The following ATP8B1 variants were observed in gnomAD, a reference collection of about 807,000 sequenced individuals.
The protein encoded by ATP8B1 is ATPase phospholipid transporting 8B1, also known as phospholipid-transporting ATPase IC.
Under a neutral mutation model 149.9 loss-of-function variants are expected in ATP8B1, and 80 were observed. That is an observed-to-expected ratio of 0.53 (90% CI 0.45 to 0.64). The LOEUF is 0.64. Ranked by LOEUF, ATP8B1 falls within the 30% of genes least tolerant of loss-of-function variation. ATP8B1 has a pLI of 0.00. For synonymous variants in ATP8B1, 536 were observed against 562.8 expected, an observed-to-expected ratio of 0.95 and a Z score of 0.67; for missense variants, 1,247 against 1,552.6, an observed-to-expected ratio of 0.80 and a Z score of 3.31.
chr18:57,748,505 C>A (rs569299109), intron 1 of ATP8B1, among the ~76,000 whole-genome samples: 1 of 152,216 alleles, frequency 6.6e-6, no homozygotes, highest in Non-Finnish European at 1.5e-5. Flanking sequence ...TTAAGCTGCT[C>A]TGTGTGTGGT....
chr18:57,668,240 G>T, intron 19 of ATP8B1, 189 bp downstream of exon 19: 1 of 1,425,476 alleles, frequency 7.0e-7, no homozygotes, highest in South Asian at 1.3e-5. Flanking sequence ...GCTACTGAGG[G>T]GGATCAGGAA....
At chr18:57,659,457 A>G (rs1748517386) in intron 22 of ATP8B1, among the ~76,000 whole-genome samples, 1 of 151,846 alleles carries the variant, frequency 6.6e-6, no homozygotes, top group Non-Finnish European at 1.5e-5. Flanking sequence ...TAAATCTCCA[A>G]AGCAAACCCG....
intron 1 of ATP8B1, among the ~76,000 whole-genome samples, chr18:57,765,177 T>C (rs1568061583): frequency 6.6e-6 from 1 of 152,220 alleles, no homozygotes; most frequent in Non-Finnish European, 1.5e-5. Flanking sequence ...GGACACATGA[T>C]GTATGATTTC....
intron 1 of ATP8B1, among the ~76,000 whole-genome samples, chr18:57,768,879 C>G (rs2080241935): frequency 6.6e-6 from 1 of 152,144 alleles, no homozygotes; most frequent in Non-Finnish European, 1.5e-5. Context: ...TTAAAAAGTC[C>G]AAGAAGCCAG....
In ATP8B1 at chr18:57,706,598, A is replaced by C; in HGVS notation, c.182-11T>G. ...CTTGCCATGTACATTCTTTAAAAAA[A>C]AGGGAGAAAAGTTCGTAAGTAGCAA... On this transcript the variant is annotated splice_polypyrimidine_tract_variant and intron_variant, in intron 2 of 27. Transcript: ENST00000648908. The C allele has an allele frequency of 6.2e-7, 1 of 1,605,420 alleles. No individual in the cohort carries two copies. Among genetic ancestry groups the C allele is most frequent in the Non-Finnish European group, 8.5e-7 (1 of 1,173,058 alleles).
chr18:57,769,399 G>A (rs150353871), intron 1 of ATP8B1, among the ~76,000 whole-genome samples: 17 of 152,194 alleles, frequency 1.1e-4, no homozygotes, highest in African/African-American at 3.4e-4. Context: ...ATGCCCGTGC[G>A]CCTTCCCACT....
At chr18:57,731,576 C>T (rs932043696) in intron 2 of ATP8B1, 51 bp downstream of exon 2, 1 of 1,587,762 alleles carries the variant, frequency 6.3e-7, no homozygotes, top group Non-Finnish European at 8.6e-7. Flanking sequence ...GTGGCCATGA[C>T]CCACATGAGG....
intron 11 of ATP8B1, among the ~76,000 whole-genome samples, chr18:57,693,943 T>C (rs1441170746): frequency 1.3e-5 from 2 of 151,598 alleles, no homozygotes; most frequent in Non-Finnish European, 2.9e-5. Flanking sequence ...TGGTGGGGAG[T>C]GGGGGCAGGA....
intron 1 of ATP8B1, among the ~76,000 whole-genome samples, chr18:57,793,427 G>C (rs1050752295): frequency 2.6e-5 from 4 of 151,822 alleles, no homozygotes; most frequent in Middle Eastern, 3.2e-3. Context: ...CCTCCTGCTT[G>C]AACTCCCGGA....
chr18:57,742,860 T>C (rs2079930783), intron 1 of ATP8B1, among the ~76,000 whole-genome samples: 1 of 151,810 alleles, frequency 6.6e-6, no homozygotes, highest in Admixed American at 6.6e-5. Context: ...CTGGTTCTTG[T>C]TTCATTCTGT....
At chr18:57,768,331 G>C (rs1299185658) in intron 1 of ATP8B1, among the ~76,000 whole-genome samples, 1 of 136,120 alleles carries the variant, frequency 7.3e-6, no homozygotes, top group African/African-American at 2.7e-5. Flanking sequence ...AGGTTGCAGT[G>C]AGCAAAGATC....
At chr18:57,683,480 A>T (rs1312860449) in intron 15 of ATP8B1, among the ~76,000 whole-genome samples, 1 of 152,238 alleles carries the variant, frequency 6.6e-6, no homozygotes, top group Non-Finnish European at 1.5e-5. Context: ...AGGAACCTAC[A>T]AGCCATTCTG....
In ATP8B1 at chr18:57,680,555, G is replaced by C. The variant is rs1031235871; in HGVS notation, c.1630+3481C>G. 4.1e-4 allele frequency among the ~76,000 whole-genome samples: 62 copies of C among 151,112 alleles called. 1 individual carries two copies. The highest frequency in any genetic ancestry group is 4.0e-3 in the Admixed American group (61 of 15,086). On this transcript the variant is annotated intron_variant, in intron 15 of 27. Coordinates refer to ENST00000648908, the MANE Select transcript of ATP8B1 (RefSeq NM_001374385.1). ...GCCGAGATCATGCCATTGCACTCCA[G>C]CCTGGGCAATAAGAGTGAAACTTGG...
chr18:57,694,068 T>C (rs1912677792), intron 11 of ATP8B1, among the ~76,000 whole-genome samples: 1 of 152,212 alleles, frequency 6.6e-6, no homozygotes, highest in Non-Finnish European at 1.5e-5. Flanking sequence ...AATACGACTA[T>C]GTGCTGAGGC....
chr18:57,725,657 A>T (rs1435174214), intron 2 of ATP8B1, among the ~76,000 whole-genome samples: 1 of 152,216 alleles, frequency 6.6e-6, no homozygotes, highest in East Asian at 1.9e-4. Context: ...TAACCAAAAC[A>T]ACGTGGTATT....
chr18:57,684,911 C>T (rs936983344), intron 14 of ATP8B1, among the ~76,000 whole-genome samples, 161 bp downstream of exon 14: 1 of 152,164 alleles, frequency 6.6e-6, no homozygotes, highest in African/African-American at 2.4e-5. Flanking sequence ...AGTTGTGTTT[C>T]CAAGTCTCCA....
At chr18:57,655,043 G>T (rs113348435) in intron 23 of ATP8B1, 151 bp downstream of exon 23, 2 of 747,420 alleles carry the variant, frequency 2.7e-6, no homozygotes, top group Non-Finnish European at 4.4e-6. Context: ...ATTTAGAGAA[G>T]TCATGATCAT....
chr18:57,744,844 T>A (rs1599184820), intron 1 of ATP8B1, among the ~76,000 whole-genome samples: 1 of 152,344 alleles, frequency 6.6e-6, no homozygotes, highest in East Asian at 1.9e-4. Flanking sequence ...CATAGCTTTC[T>A]GGAACAAAAT....
rs1491119567 is a variant in ATP8B1, at chr18:57,648,851, CTT to C, written c.3532-141_3532-140del. ...TTTGATGCAGGCAGTTCTGTCCCCA[CTT>C]GTGTGTGTGTGTGTGTGTGTGTGTG... On this transcript the variant is annotated intron_variant, in intron 27 of 27. Coordinates refer to ENST00000648908, the MANE Select transcript of ATP8B1 (RefSeq NM_001374385.1). 24 of 521,568 alleles carry C rather than the reference CTT, an allele frequency of 4.6e-5. 2 individuals carry two copies. The highest frequency in any genetic ancestry group is 3.4e-4 in the African/African-American group (11 of 32,346). The allele number at this position is 521,568 out of a possible 1,614,324, so 32.3% of individuals were successfully genotyped here.
Sources: gnomAD v4.1 joint callset for allele counts (sites outside exome capture counted in the v4.1 genomes callset) on GRCh38, gnomAD v4.1.1 for gene constraint, MANE v1.5 for transcripts, NCBI Gene and HGNC (gene_info 2026-07-23, HGNC 2026-07-21) for gene names.